Variants in ABITRAM observed in about 807,000 individuals in gnomAD.
The protein encoded by ABITRAM is protein Abitram.
In ABITRAM, 19 loss-of-function variants were observed where a neutral mutation model predicts 22.9. That is an observed-to-expected ratio of 0.83 (90% confidence interval 0.58 to 1.22). The LOEUF (loss-of-function observed/expected upper bound fraction) is 1.22. Among genes scored for constraint, ABITRAM ranks in the 50% most tolerant of loss-of-function variants. The probability of loss-of-function intolerance (pLI) is 0.00; values close to 1 mark genes in which losing one functional copy is unlikely to be tolerated. For missense variants in ABITRAM, 215 were observed against 220.2 expected (o/e 0.98, Z 0.15); for synonymous variants, 70 against 73.9 (o/e 0.95, Z 0.27).
chr9:108,949,751 G>A lies in ABITRAM; in HGVS notation c.262-756G>A, dbSNP rs143064141. On this transcript the variant is annotated intron_variant, in intron 3 of 3. Coordinates refer to the ABITRAM transcript ENST00000374624. ...CCCAGCTACTTGGGAGGCTGAGGCA[G>A]GAGAATCACCTGAACCCGGGAGATG... Among the ~76,000 whole-genome samples, 11 of 152,254 alleles carry A rather than the reference G, an allele frequency of 7.2e-5. No individual in the cohort carries two copies. The East Asian group carries it at 1.9e-3, about 27-fold the overall frequency.
intron 5 of ABITRAM, 36 bp downstream of exon 5, chr9:108,939,490 T>C: frequency 6.2e-7 from 1 of 1,605,942 alleles, no homozygotes; most frequent in African/African-American, 1.3e-5. Flanking sequence ...CTCATCCACA[T>C]ACCTTTTATT....
At chr9:108,946,304 A>C (rs1490105540) in intron 3 of ABITRAM, among the ~76,000 whole-genome samples, 1 of 151,826 alleles carries the variant, frequency 6.6e-6, no homozygotes, top group African/African-American at 2.4e-5. Context: ...TCTCAAAAAA[A>C]AAAAAAAAAA....
rs754160825 is a variant in ABITRAM, at chr9:108,934,501, C to G, written c.15C>G (p.Pro5=). The part of the protein sequence containing the change: MATE[P]EAAEPVVPSL... ...CGGAGGTCGCCATGGCTACCGAGCC[C>G]GAAGCCGCGGAGCCGGTGGTGCCTT... Residue 5 remains proline (P), a synonymous_variant, in exon 1 of 6, where the codon CCC becomes CCG. Transcript: ENST00000322940. 6.9e-6 allele frequency: 11 copies of G among 1,604,470 alleles called. No individual in the cohort carries two copies. Among genetic ancestry groups the G allele is most frequent in the Middle Eastern group, 1.8e-4 (1 of 5,610 alleles).
chr9:108,935,174 AAAT>A (rs1340475130), intron 1 of ABITRAM, among the ~76,000 whole-genome samples: 2 of 152,192 alleles, frequency 1.3e-5, no homozygotes, highest in Non-Finnish European at 2.9e-5. Flanking sequence ...TCAGTTTAAA[AAAT>A]ATATATTGTA....
downstream of ABITRAM, among the ~76,000 whole-genome samples, chr9:108,943,218 G>A (rs1281279213): frequency 6.6e-6 from 1 of 152,154 alleles, no homozygotes; most frequent in East Asian, 1.9e-4. Flanking sequence ...CAGGTGCAGG[G>A]GTAGCTGCCT....
intron 3 of ABITRAM, chr9:108,948,076 G>A (rs963987214): frequency 8.2e-7 from 1 of 1,219,028 alleles, no homozygotes; most frequent in East Asian, 2.5e-5. Flanking sequence ...TACACAGGTA[G>A]GTACAGATGT....
downstream of ABITRAM, among the ~76,000 whole-genome samples, chr9:108,944,526 T>G (rs972400493): frequency 6.6e-6 from 1 of 152,170 alleles, no homozygotes; most frequent in East Asian, 1.9e-4. Context: ...TCAGATTAAT[T>G]TTCACTATTC....
rs144555897 is a variant in ABITRAM at position 108,934,582 on chromosome 9, G to A, written c.79+17G>A. ...ACAAACCGGGTAAGTGCGGAGTGAT[G>A]TTGATCCCTCCTTGGCCGCACTGGC... On this transcript the variant is annotated intron_variant, in intron 1 of 5. Coordinates refer to ENST00000322940, the MANE Select transcript of ABITRAM (RefSeq NM_017832.4). 3.7e-3 allele frequency: 5,879 copies of A among 1,594,624 alleles called. 20 individuals carry two copies. The highest frequency in any genetic ancestry group is 4.4e-3 in the Non-Finnish European group (5,161 of 1,171,500).
chr9:108,942,682 A>G, downstream of ABITRAM: 1 of 920,840 alleles, frequency 1.1e-6, no homozygotes. Context: ...AAAATTGATG[A>G]ATTTCTGAAA....
chr9:108,949,158 C>T (rs28361171), intron 3 of ABITRAM, among the ~76,000 whole-genome samples: 4 of 152,006 alleles, frequency 2.6e-5, no homozygotes, highest in Non-Finnish European at 4.4e-5. Flanking sequence ...ATAAATCTGC[C>T]CAGGAAAACT....
intron 3 of ABITRAM, among the ~76,000 whole-genome samples, chr9:108,937,514 C>G (rs189461542): frequency 3.3e-5 from 5 of 152,290 alleles, no homozygotes; most frequent in Admixed American, 2.6e-4. Context: ...TTCAAACCCC[C>G]CTTTGTAGGC....
Position 108,939,962 on chromosome 9 carries a change from AAAAC to A in ABITRAM, c.*284_*287del, listed in dbSNP as rs1830236930. 3 of 325,248 alleles carry A rather than the reference AAAAC, an allele frequency of 9.2e-6. No homozygotes were observed. The highest frequency in any genetic ancestry group is 4.3e-5 in the African/African-American group (2 of 47,058). The allele number at this position is 325,248 out of a possible 1,614,324, so 20.1% of individuals were successfully genotyped here. ...CATGCAAGGCATGTTTTTCTGATTA[AAAAC>A]AAACAAAGCTCTTTGAAGAAGATTT... On this transcript the variant is annotated 3_prime_UTR_variant, in exon 6 of 6. Transcript: ENST00000322940.
intron 3 of ABITRAM, chr9:108,950,433 A>G: frequency 6.8e-7 from 1 of 1,474,826 alleles, no homozygotes; most frequent in Non-Finnish European, 9.1e-7. Context: ...GGAAAATATG[A>G]TAAGGTACTG....
At chr9:108,936,142 G>A (rs943435224) in intron 2 of ABITRAM, 166 bp from the exon 3 acceptor site, 2 of 665,194 alleles carry the variant, frequency 3.0e-6, no homozygotes, top group Admixed American at 3.0e-5. Context: ...TTTTATTATT[G>A]TATTCTCTAT....
chr9:108,949,353 T>C (rs1177269859), intron 3 of ABITRAM, among the ~76,000 whole-genome samples: 2 of 152,184 alleles, frequency 1.3e-5, no homozygotes, highest in African/African-American at 4.8e-5. Flanking sequence ...CAAAAAATAC[T>C]GAGCATGCCA....
chr9:108,944,433 C>G (rs1455955883), downstream of ABITRAM, among the ~76,000 whole-genome samples: 1 of 152,218 alleles, frequency 6.6e-6, no homozygotes, highest in East Asian at 1.9e-4. Context: ...CTAGGCAAGA[C>G]AAAATTTGTC....
rs745443499 is a variant in ABITRAM at position 108,939,440 on chromosome 9, A to G, written c.394A>G (p.Ile132Val). Residue 132 changes from isoleucine (I) to valine (V), a missense_variant, in exon 5 of 6, where the codon ATT becomes GTT. Physicochemically the swap from Ile to Val is conservative, Grantham distance 29. Transcript: ENST00000322940. ...TGAAAACATCCTCCATAAGCCATCT[A>G]TTCTTCAAGAAAAGGTAAAAGAGAG... is the stretch of plus-strand genomic sequence containing the variant. ...VNENILHKPS[I>V]LQEKPSTEGY... 1 of 1,610,374 alleles carries G rather than the reference A, an allele frequency of 6.2e-7. No homozygotes were observed. Among genetic ancestry groups the G allele is most frequent in the East Asian group, 2.2e-5 (1 of 44,854 alleles).
chr9:108,935,450 C>G (rs1481425436), intron 1 of ABITRAM, among the ~76,000 whole-genome samples, 188 bp from the exon 2 acceptor site: 1 of 152,170 alleles, frequency 6.6e-6, no homozygotes, highest in Non-Finnish European at 1.5e-5. Flanking sequence ...CTATCTGGGC[C>G]AGATCTCTTT....
intron 3 of ABITRAM, among the ~76,000 whole-genome samples, chr9:108,937,069 AG>A (rs1273937267): frequency 3.3e-5 from 5 of 152,194 alleles, no homozygotes; most frequent in Admixed American, 1.3e-4. Flanking sequence ...CTGAGGCAGG[AG>A]AATGGCTTGA....
Sources: allele counts gnomAD v4.1 joint callset (sites outside exome capture counted in the v4.1 genomes callset), GRCh38; gene constraint gnomAD v4.1.1; transcripts MANE v1.5; gene names NCBI Gene and HGNC (gene_info 2026-07-23, HGNC 2026-07-21).